Variants in PAAF1 observed in about 807,000 individuals in gnomAD.
PAAF1 encodes the protein proteasomal ATPase-associated factor 1.
In PAAF1, 46 loss-of-function variants were observed where a neutral mutation model predicts 52.8. The ratio of observed to expected loss-of-function variants is 0.87; its 90% CI spans 0.69 to 1.11. PAAF1 has a LOEUF of 1.11. Among genes scored for constraint, PAAF1 ranks in the 50% most tolerant of loss-of-function variants. The pLI is 0.00. For missense variants in PAAF1, 424 were observed against 477.4 expected, an observed-to-expected ratio of 0.89 and a Z score of 1.04; for synonymous variants, 178 against 172.8, an observed-to-expected ratio of 1.03 and a Z score of -0.24.
intron 9 of PAAF1, 105 bp downstream of exon 9, chr11:73,916,765 G>C (rs1565149876): frequency 1.6e-6 from 1 of 641,456 alleles, no homozygotes. Context: ...TTGAATCAAG[G>C]GTATATTTTT....
At chr11:73,921,969 G>A (rs1950230980) in intron 10 of PAAF1, 4 of 888,904 alleles carry the variant, frequency 4.5e-6, no homozygotes, top group Non-Finnish European at 7.3e-6. Context: ...ACTCAGAAAC[G>A]TAGACAGAGA....
rs369047733 is a variant in PAAF1, at chr11:73,909,486, G to C, written c.620G>C (p.Arg207Pro). Residue 207 changes from arginine to proline, a missense_variant, in exon 7 of 12, where the codon CGC becomes CCC. By Grantham distance (103) the Arg-to-Pro change is moderately radical (BLOSUM62 -2). Transcript: ENST00000310571. ...ACAGCACGACTTTGGGATTGTGGGCGCTCAGCCTGCTTGGGAGTCCTTGCA... is the reference window on the plus strand; with the variant it reads ...ACAGCACGACTTTGGGATTGTGGGCCCTCAGCCTGCTTGGGAGTCCTTGCA... Reference protein sequence around the residue: ...DGTARLWDCGRSACLGVLADC... With the variant: ...DGTARLWDCGPSACLGVLADC... 13 of 1,614,182 alleles carry C rather than the reference G, an allele frequency of 8.1e-6. No homozygotes were observed. Among genetic ancestry groups the C allele is most frequent in the Non-Finnish European group, 7.6e-6 (9 of 1,180,034 alleles).
chr11:73,892,329 A>G, intron 4 of PAAF1, among the ~76,000 whole-genome samples: 1 of 142,188 alleles, frequency 7.0e-6, no homozygotes, highest in South Asian at 2.1e-4. Context: ...TCTCACCAAA[A>G]AAAAAAAAAA....
intron 2 of PAAF1, among the ~76,000 whole-genome samples, chr11:73,882,142 A>G (rs968877940): frequency 2.6e-5 from 4 of 151,798 alleles, no homozygotes; most frequent in Non-Finnish European, 4.4e-5. Flanking sequence ...CAGCCTCCCA[A>G]AGTGCTGGGA....
chr11:73,922,833 A>AG (rs1950258969), intron 10 of PAAF1, among the ~76,000 whole-genome samples: 1 of 151,508 alleles, frequency 6.6e-6, no homozygotes, highest in South Asian at 2.1e-4. Context: ...AAAAAAAAAA[A>AG]AAGAAGTTGG....
chr11:73,889,246 G>C (rs1422892892), intron 3 of PAAF1: 1 of 1,401,964 alleles, frequency 7.1e-7, no homozygotes, highest in African/African-American at 1.4e-5. Context: ...GGTTCAGACA[G>C]TAAGTGCTTA....
chr11:73,928,264 CACAG>C lies in PAAF1; in HGVS notation c.*903_*906del, dbSNP rs1422491596. 5.9e-5 allele frequency: 9 copies of C among 152,228 alleles called. No individual in the cohort carries two copies. The highest frequency in any genetic ancestry group is 1.7e-4 in the African/African-American group (7 of 41,430). The allele number at this position is 152,228 out of a possible 1,614,324, so 9.4% of individuals were successfully genotyped here. A position where few individuals can be genotyped will look rare whatever the true frequency, so the allele number is the denominator to read the frequency against. ...AAGAGATGGTGGAGGGCACTTTAGT[CACAG>C]CTGGAACCCAGGGCTCAAAATGACA... is the stretch of plus-strand genomic sequence containing the variant. On this transcript the variant is annotated 3_prime_UTR_variant, in exon 12 of 12. Coordinates refer to ENST00000310571, the MANE Select transcript of PAAF1 (RefSeq NM_025155.3).
intron 11 of PAAF1, among the ~76,000 whole-genome samples, chr11:73,925,419 T>C: frequency 6.6e-6 from 1 of 151,534 alleles, no homozygotes; most frequent in East Asian, 1.9e-4. Context: ...TGAGCTGTGA[T>C]TGTACCATTG....
chr11:73,887,438 C>T lies in PAAF1; in HGVS notation c.173C>T (p.Thr58Ile), dbSNP rs143826485. The change falls in exon 3 of 12, where the codon ACT becomes ATT. Residue 58 changes from threonine (T) to isoleucine (I), a missense_variant. Thr to Ile is a moderately conservative substitution (Grantham distance 89). Transcript: ENST00000310571. ...IPEVTASEGF[T>I]VNEINKKSIH... Reference sequence around the variant, plus strand: ...GAGGTTACAGCTTCAGAAGGATTTACTGTGAATGAAATAAACAAGGTATGT... The same window carrying T: ...GAGGTTACAGCTTCAGAAGGATTTATTGTGAATGAAATAAACAAGGTATGT... 1.9e-6 allele frequency: 3 copies of T among 1,603,100 alleles called. No homozygotes were observed. Among genetic ancestry groups the T allele is most frequent in the East Asian group, 2.2e-5 (1 of 44,670 alleles).
In PAAF1 at chr11:73,925,946, A is replaced by G. The variant is rs184721702; in HGVS notation, c.1101+1249A>G. The stretch of plus-strand genomic sequence containing the variant: ...TATTTTTCAAGACTATTTTCAGAGA[A>G]TTTGCACACTTACATCTTTATGTAT... On this transcript the variant is annotated intron_variant, in intron 11 of 11. Transcript: ENST00000310571. Among the ~76,000 whole-genome samples the G allele has an allele frequency of 3.1e-3, 476 of 152,288 alleles. 4 individuals are homozygous for G. Among genetic ancestry groups the G allele is most frequent in the African/African-American group, 0.011 (458 of 41,560 alleles).
chr11:73,912,058 C>G (rs1949948462), intron 7 of PAAF1, among the ~76,000 whole-genome samples: 1 of 152,034 alleles, frequency 6.6e-6, no homozygotes, highest in African/African-American at 2.4e-5. Flanking sequence ...TTCTGTGATA[C>G]CACATAACAC....
At chr11:73,923,414 A>G (rs1565154529) in intron 10 of PAAF1, among the ~76,000 whole-genome samples, 1 of 152,342 alleles carries the variant, frequency 6.6e-6, no homozygotes, top group Non-Finnish European at 1.5e-5. Flanking sequence ...GCACAAAAAA[A>G]TAGATCAAAA....
At chr11:73,883,705 C>T (rs76708424) in intron 2 of PAAF1, among the ~76,000 whole-genome samples, 3,114 of 151,856 alleles carry the variant, frequency 0.021, 107 homozygotes, top group African/African-American at 0.07. Flanking sequence ...TCAGTAGAGA[C>T]GAACGAGGTT....
At chr11:73,887,166 A>G in intron 2 of PAAF1, 188 bp from the exon 3 acceptor site, 1 of 524,286 alleles carries the variant, frequency 1.9e-6, no homozygotes, top group Non-Finnish European at 3.4e-6. Context: ...TAGCAACACT[A>G]AACAGACTAA....
chr11:73,877,740 G>A (rs967668874), intron 1 of PAAF1, among the ~76,000 whole-genome samples: 11 of 152,086 alleles, frequency 7.2e-5, no homozygotes, highest in Non-Finnish European at 2.9e-5. Flanking sequence ...ACAGAAATTA[G>A]TCGGGCTTGG....
chr11:73,891,500 G>A (rs958968888), intron 4 of PAAF1, among the ~76,000 whole-genome samples: 2 of 152,188 alleles, frequency 1.3e-5, no homozygotes, highest in Non-Finnish European at 2.9e-5. Context: ...GCTTGGCTAG[G>A]TGCAGTGGCT....
Position 73,899,045 on chromosome 11 carries a change from G to A in PAAF1, c.283-101G>A, listed in dbSNP as rs1190143441. ...TTTTGTTGGGAAACACAGGCTTCAG[G>A]AAGTCTTGGAAGAGTGAAAAAAGGG... On this transcript the variant is annotated intron_variant, in intron 4 of 11. Transcript: ENST00000310571. 9.4e-6 allele frequency: 8 copies of A among 852,870 alleles called. No homozygotes were observed. The African/African-American group carries it at 1.4e-4, about 14-fold the overall frequency. 52.8% of individuals were successfully genotyped at this position (852,870 alleles called of 1,614,324 possible).
intron 9 of PAAF1, among the ~76,000 whole-genome samples, chr11:73,917,942 A>G (rs1000891987): frequency 2.6e-5 from 4 of 152,148 alleles, no homozygotes; most frequent in Non-Finnish European, 4.4e-5. Flanking sequence ...ATGGACAAGT[A>G]AAAGACTGTT....
chr11:73,885,590 C>T (rs1949038807), intron 2 of PAAF1, among the ~76,000 whole-genome samples: 1 of 151,610 alleles, frequency 6.6e-6, no homozygotes, highest in Admixed American at 6.6e-5. Flanking sequence ...ACCTGTAATC[C>T]CAGCACTTCG....
Sources: gnomAD v4.1 joint callset for allele counts (sites outside exome capture counted in the v4.1 genomes callset) on GRCh38, gnomAD v4.1.1 for gene constraint, MANE v1.5 for transcripts, NCBI Gene and HGNC (gene_info 2026-07-23, HGNC 2026-07-21) for gene names.